NPAS2: variants seen among roughly 807,000 people sequenced by gnomAD.
The protein encoded by NPAS2 is neuronal PAS domain-containing protein 2.
NPAS2 carries 23 observed loss-of-function variants against 107.5 expected under a neutral mutation model. That is an observed-to-expected ratio of 0.21 (90% CI 0.15 to 0.30). NPAS2 has a LOEUF of 0.30. Ranked by LOEUF, NPAS2 falls within the 10% of genes least tolerant of loss-of-function variation. NPAS2 has a pLI of 1.00. For synonymous variants in NPAS2, 403 were observed against 417.5 expected (o/e 0.97, Z 0.42); for missense variants, 756 against 1,043.3 (o/e 0.72, Z 3.79).
intron 1 of NPAS2, among the ~76,000 whole-genome samples, chr2:100,898,072 G>A (rs947421419): frequency 3.3e-5 from 5 of 151,934 alleles, no homozygotes; most frequent in South Asian, 2.1e-4. Context: ...AATCAAAATC[G>A]CATCAAGCTA....
intron 1 of NPAS2, among the ~76,000 whole-genome samples, chr2:100,844,411 A>G (rs1677641182): frequency 1.3e-5 from 2 of 152,210 alleles, no homozygotes; most frequent in South Asian, 2.1e-4. Context: ...AGAAATAAGT[A>G]TACATAAATG....
intron 19 of NPAS2, among the ~76,000 whole-genome samples, 171 bp from the exon 20 acceptor site, chr2:100,993,176 G>T (rs927414367): frequency 6.6e-6 from 1 of 152,004 alleles, no homozygotes; most frequent in African/African-American, 2.4e-5. Context: ...CTTGTGATCC[G>T]CCTGCCTCGG....
chr2:100,902,306 C>T (rs1483553354), intron 1 of NPAS2, among the ~76,000 whole-genome samples: 1 of 152,060 alleles, frequency 6.6e-6, no homozygotes, highest in Non-Finnish European at 1.5e-5. Flanking sequence ...CAACAGCAGC[C>T]GAGGTGGAAG....
At chr2:100,905,819 G>A (rs192092067) in intron 2 of NPAS2, among the ~76,000 whole-genome samples, 1 of 152,130 alleles carries the variant, frequency 6.6e-6, no homozygotes, top group Non-Finnish European at 1.5e-5. Context: ...AAATGGTAGT[G>A]CCCTCAGGTA....
intron 1 of NPAS2, among the ~76,000 whole-genome samples, chr2:100,862,373 A>C (rs1678996026): frequency 6.6e-6 from 1 of 152,056 alleles, no homozygotes. Flanking sequence ...TTTGCCTCTA[A>C]ATCAGAAACA....
At chr2:100,939,427 C>T (rs1674446458) in intron 5 of NPAS2, among the ~76,000 whole-genome samples, 1 of 152,080 alleles carries the variant, frequency 6.6e-6, no homozygotes, top group Non-Finnish European at 1.5e-5. Context: ...CTCACTCGGC[C>T]TGAAGGAGGA....
At chr2:100,888,859 G>A (rs1043905132) in intron 1 of NPAS2, among the ~76,000 whole-genome samples, 10 of 152,168 alleles carry the variant, frequency 6.6e-5, no homozygotes, top group Non-Finnish European at 1.5e-4. Context: ...ACCACCCAGA[G>A]CTTTGGAGGA....
At chr2:100,969,252 G>T (rs1199574611) in intron 11 of NPAS2, among the ~76,000 whole-genome samples, 1 of 150,978 alleles carries the variant, frequency 6.6e-6, no homozygotes, top group African/African-American at 2.4e-5. Context: ...AGGTATATAT[G>T]TGCCATGGTG....
intron 5 of NPAS2, among the ~76,000 whole-genome samples, chr2:100,946,998 T>C (rs933515283): frequency 2.6e-5 from 4 of 152,168 alleles, no homozygotes; most frequent in African/African-American, 9.7e-5. Context: ...AATGCCGATG[T>C]TCAGGACATG....
intron 1 of NPAS2, among the ~76,000 whole-genome samples, chr2:100,853,841 C>T (rs1437398765): frequency 6.6e-6 from 1 of 151,922 alleles, no homozygotes; most frequent in Non-Finnish European, 1.5e-5. Flanking sequence ...CAAGTGGTGA[C>T]CTAGGGAGGG....
chr2:100,954,664 C>CAAAAAAAAAA (rs1194534141), intron 7 of NPAS2, among the ~76,000 whole-genome samples: 16 of 81,338 alleles, frequency 2.0e-4, no homozygotes, highest in Non-Finnish European at 3.4e-4. Flanking sequence ...AACTGTGTCT[C>CAAAAAAAAAA]AAAAAAAAAA....
chr2:100,936,992 A>C (rs1018509311), intron 4 of NPAS2, among the ~76,000 whole-genome samples: 209 of 151,908 alleles, frequency 1.4e-3, no homozygotes, highest in African/African-American at 4.8e-3. Flanking sequence ...AAAAAAAAAA[A>C]AAAAAAAAAC....
chr2:100,916,853 T>A (rs901345311), intron 2 of NPAS2, among the ~76,000 whole-genome samples: 1 of 151,890 alleles, frequency 6.6e-6, no homozygotes, highest in Non-Finnish European at 1.5e-5. Context: ...AATGAAAAAA[T>A]TAGAAACAGA....
At chr2:100,923,927 C>T (rs528132294) in intron 2 of NPAS2, among the ~76,000 whole-genome samples, 23 of 152,258 alleles carry the variant, frequency 1.5e-4, no homozygotes, top group East Asian at 7.7e-4. Context: ...TAGAGCATTC[C>T]TGAGAGCCAC....
At chr2:100,984,803 GTGATGCTTTAC>G (rs1404009848) in intron 16 of NPAS2, 1 of 152,018 alleles carries the variant, frequency 6.6e-6, no homozygotes, top group Non-Finnish European at 1.5e-5. Flanking sequence ...CAGTGGACTT[GTGATGCTTTAC>G]TTCATTGCTT....
At chr2:100,945,139 G>T (rs10178947) in intron 5 of NPAS2, among the ~76,000 whole-genome samples, 8,430 of 152,282 alleles carry the variant, frequency 0.055, 756 homozygotes, top group African/African-American at 0.19. Context: ...AGACGAGAGA[G>T]GATCCTGGTA....
intron 12 of NPAS2, among the ~76,000 whole-genome samples, chr2:100,973,491 C>A (rs1279819385): frequency 6.6e-6 from 1 of 152,216 alleles, no homozygotes; most frequent in Non-Finnish European, 1.5e-5. Flanking sequence ...CAAAGGCAAA[C>A]TGTAACCAAG....
intron 1 of NPAS2, among the ~76,000 whole-genome samples, chr2:100,894,840 A>G (rs1311898002): frequency 2.6e-5 from 4 of 152,180 alleles, no homozygotes; most frequent in African/African-American, 9.6e-5. Flanking sequence ...GGGGACAGCC[A>G]TTTCTAGCTG....
intron 1 of NPAS2, among the ~76,000 whole-genome samples, chr2:100,866,439 C>T (rs903104056): frequency 1.3e-5 from 2 of 152,238 alleles, no homozygotes; most frequent in African/African-American, 2.4e-5. Flanking sequence ...TCCATCATGG[C>T]ATCTTTTTCT....
Sources: allele counts gnomAD v4.1 joint callset (sites outside exome capture counted in the v4.1 genomes callset), GRCh38; gene constraint gnomAD v4.1.1; transcripts MANE v1.5; gene names NCBI Gene and HGNC (gene_info 2026-07-23, HGNC 2026-07-21).